PKHD1: variants seen among roughly 807,000 people sequenced by gnomAD.
PKHD1 encodes fibrocystin.
PKHD1 carries 291 observed loss-of-function variants against 412.0 expected under a neutral mutation model. The observed-to-expected ratio is 0.71, with a 90% CI of 0.64 to 0.78. The LOEUF (loss-of-function observed/expected upper bound fraction) is 0.78. Ranked by LOEUF, PKHD1 falls within the 30% of genes least tolerant of loss-of-function variation. PKHD1 has a pLI of 0.00. For synonymous variants in PKHD1, 1,777 were observed against 1,821.5 expected (o/e 0.98, Z 0.62); for missense variants, 4,825 against 4,950.7 (o/e 0.97, Z 0.76).
At chr6:51,842,850 G>T (rs920726575) in intron 50 of PKHD1, among the ~76,000 whole-genome samples, 7 of 152,336 alleles carry the variant, frequency 4.6e-5, no homozygotes, top group African/African-American at 1.2e-4. Context: ...GCTGGTGGAG[G>T]TGGAGGCAAG....
chr6:51,997,759 C>G (rs1797871413), intron 35 of PKHD1, among the ~76,000 whole-genome samples: 1 of 152,188 alleles, frequency 6.6e-6, no homozygotes, highest in African/African-American at 2.4e-5. Flanking sequence ...AGGGTGGAAA[C>G]ACATCACCGA....
chr6:51,838,398 G>T (rs970623651), intron 50 of PKHD1, among the ~76,000 whole-genome samples: 4 of 152,114 alleles, frequency 2.6e-5, no homozygotes, highest in Non-Finnish European at 4.4e-5. Context: ...GGACTGAGTG[G>T]TGAATGATTT....
At chr6:51,902,546 GT>G (rs778326924) in intron 43 of PKHD1, among the ~76,000 whole-genome samples, 2 of 152,138 alleles carry the variant, frequency 1.3e-5, no homozygotes, top group South Asian at 2.1e-4. Context: ...TTTTACTAGG[GT>G]TTATTCAGCT....
At chr6:51,872,965 C>T (rs115569858) in intron 46 of PKHD1, among the ~76,000 whole-genome samples, 21 of 130,760 alleles carry the variant, frequency 1.6e-4, no homozygotes, top group South Asian at 5.0e-4. Context: ...AGAAGATGTA[C>T]GAATCAGAAA....
At chr6:51,754,560 C>T (rs529724179) in intron 56 of PKHD1, among the ~76,000 whole-genome samples, 1 of 152,190 alleles carries the variant, frequency 6.6e-6, no homozygotes, top group African/African-American at 2.4e-5. Flanking sequence ...AATGTGTGTG[C>T]ATGTGTATGT....
At chr6:51,928,051 G>A (rs1022175047) in intron 37 of PKHD1, among the ~76,000 whole-genome samples, 2 of 152,112 alleles carry the variant, frequency 1.3e-5, no homozygotes, top group African/African-American at 2.4e-5. Flanking sequence ...TAGGTGCACC[G>A]TTAAGTATTA....
chr6:51,885,176 C>T (rs1254556718), intron 45 of PKHD1, among the ~76,000 whole-genome samples: 1 of 152,094 alleles, frequency 6.6e-6, no homozygotes, highest in Non-Finnish European at 1.5e-5. Context: ...CAAATAGTGA[C>T]CCTGAATAAT....
At chr6:51,721,018 A>T in intron 60 of PKHD1, 1 of 982,778 alleles carries the variant, frequency 1.0e-6, no homozygotes, top group Non-Finnish European at 1.2e-6. Context: ...AAATGATAAC[A>T]TGGGTAAGGG....
In PKHD1 at chr6:52,025,134, T is replaced by C; in HGVS notation, c.4676A>G (p.Tyr1559Cys). The C allele has an allele frequency of 6.2e-7, 1 of 1,614,034 alleles. No individual in the cohort carries two copies. Among genetic ancestry groups the C allele is most frequent in the Non-Finnish European group, 8.5e-7 (1 of 1,179,876 alleles). ...YLSVFYTRNG[Y>C]ACSGNVSRHF... ...TCTGGAAACATTACCAGAACAAGCA[T>C]ACCCATTTCTTGTATAAAAAACTGA... The change falls in exon 32 of 67, where the codon TAT becomes TGT. Residue 1559 changes from tyrosine (Y) to cysteine (C), a missense_variant. By Grantham distance (194) the Tyr-to-Cys change is radical. Transcript: ENST00000371117.
chr6:52,041,919 T>C (rs908156995), intron 27 of PKHD1, among the ~76,000 whole-genome samples: 1 of 152,142 alleles, frequency 6.6e-6, no homozygotes, highest in Non-Finnish European at 1.5e-5. Flanking sequence ...CTGTTTGCCT[T>C]AAGGTGGAGG....
intron 37 of PKHD1, among the ~76,000 whole-genome samples, chr6:51,931,586 T>A (rs769714958): frequency 6.6e-5 from 10 of 152,126 alleles, no homozygotes; most frequent in Non-Finnish European, 1.0e-4. Flanking sequence ...GACAGATACA[T>A]CAGGAAAGGA....
intron 10 of PKHD1, 21 bp downstream of exon 10, chr6:52,070,373 CAAATTTGCCTAT>C (rs1446449308): frequency 7.3e-7 from 1 of 1,369,624 alleles, no homozygotes; most frequent in South Asian, 1.2e-5. Flanking sequence ...AAAATGAAGA[CAAATTTGCCTAT>C]TTCTATACCC....
intron 60 of PKHD1, among the ~76,000 whole-genome samples, chr6:51,729,134 A>T (rs982376724): frequency 6.6e-5 from 10 of 152,218 alleles, no homozygotes; most frequent in Non-Finnish European, 1.2e-4. Context: ...TAGCCATATT[A>T]AAAAATGGCT....
chr6:51,796,432 G>GTT (rs3062495), intron 52 of PKHD1, among the ~76,000 whole-genome samples: 51,514 of 148,960 alleles, frequency 0.35, 10,904 homozygotes, highest in East Asian at 0.66. Flanking sequence ...TATTTAATTA[G>GTT]TTTTTTTTTC....
At chr6:51,992,674 T>A (rs554617457) in intron 35 of PKHD1, among the ~76,000 whole-genome samples, 1 of 152,368 alleles carries the variant, frequency 6.6e-6, no homozygotes, top group African/African-American at 2.4e-5. Context: ...AAGGCTTCAA[T>A]GAGAGGCTGG....
intron 60 of PKHD1, among the ~76,000 whole-genome samples, chr6:51,713,360 C>A (rs1010778407): frequency 5.9e-5 from 9 of 152,162 alleles, no homozygotes; most frequent in African/African-American, 2.2e-4. Context: ...CCCAAGCCTG[C>A]CTCAGGCTGG....
intron 61 of PKHD1, among the ~76,000 whole-genome samples, chr6:51,653,534 G>A (rs1771309901): frequency 1.3e-5 from 2 of 152,004 alleles, no homozygotes; most frequent in Admixed American, 1.3e-4. Context: ...TCACATTCTG[G>A]GGCACTCCTC....
chr6:51,922,905 C>A (rs545723226), intron 37 of PKHD1, among the ~76,000 whole-genome samples: 2 of 152,212 alleles, frequency 1.3e-5, no homozygotes, highest in Admixed American at 6.5e-5. Flanking sequence ...CCTGGTGAGG[C>A]AATGCCCCAC....
intron 60 of PKHD1, among the ~76,000 whole-genome samples, chr6:51,705,262 C>G (rs1779884856): frequency 6.6e-6 from 1 of 151,854 alleles, no homozygotes. Flanking sequence ...AGGGAGTGGA[C>G]TTGGTGTCAA....
Sources: allele counts gnomAD v4.1 joint callset (sites outside exome capture counted in the v4.1 genomes callset), GRCh38; gene constraint gnomAD v4.1.1; transcripts MANE v1.5; gene names NCBI Gene and HGNC (gene_info 2026-07-23, HGNC 2026-07-21).